Variants in ERC2 observed in about 807,000 individuals in gnomAD.
The protein encoded by ERC2 is ERC protein 2.
ERC2 carries 42 observed loss-of-function variants against 114.8 expected under a neutral mutation model. The observed-to-expected ratio is 0.37, with a 90% CI of 0.29 to 0.47. The LOEUF is 0.47. Ranked by LOEUF, ERC2 falls within the 20% of genes least tolerant of loss-of-function variation. The pLI is 0.99. For missense variants in ERC2, 939 were observed against 1,150.7 expected (o/e 0.82, Z 2.66); for synonymous variants, 454 against 425.5 (o/e 1.07, Z -0.82).
At chr3:55,796,935 T>G (rs924853700) in intron 14 of ERC2, among the ~76,000 whole-genome samples, 7 of 152,222 alleles carry the variant, frequency 4.6e-5, no homozygotes, top group African/African-American at 1.7e-4. Context: ...AGGCCATTTT[T>G]TTTCCCACAT....
chr3:56,453,304 T>C (rs762838753), intron 1 of ERC2, among the ~76,000 whole-genome samples: 4 of 152,194 alleles, frequency 2.6e-5, no homozygotes, highest in Admixed American at 6.5e-5. Flanking sequence ...TTTTCTTCTC[T>C]ACCATGAAGA....
chr3:55,554,288 T>C (rs2055438721), intron 17 of ERC2, among the ~76,000 whole-genome samples: 1 of 152,206 alleles, frequency 6.6e-6, no homozygotes, highest in African/African-American at 2.4e-5. Context: ...CATAAACTTC[T>C]TTGTTTATGA....
At chr3:56,405,732 A>T (rs2060693017) in intron 2 of ERC2, among the ~76,000 whole-genome samples, 1 of 152,176 alleles carries the variant, frequency 6.6e-6, no homozygotes, top group Non-Finnish European at 1.5e-5. Flanking sequence ...ATCTCATAAT[A>T]TGATAATACA....
chr3:55,646,877 C>T (rs907222466), intron 17 of ERC2, among the ~76,000 whole-genome samples: 4 of 152,118 alleles, frequency 2.6e-5, no homozygotes, highest in Non-Finnish European at 5.9e-5. Context: ...AAGGTCACAA[C>T]GGTAATAAGT....
intron 6 of ERC2, among the ~76,000 whole-genome samples, chr3:56,128,620 G>A (rs2149881073): frequency 6.6e-6 from 1 of 152,306 alleles, no homozygotes; most frequent in Admixed American, 6.5e-5. Context: ...AGGTTGAAAA[G>A]TTGACAAATC....
At chr3:56,435,821 A>G (rs564601139) in intron 1 of ERC2, among the ~76,000 whole-genome samples, 1 of 152,354 alleles carries the variant, frequency 6.6e-6, no homozygotes. Flanking sequence ...ATGCCTAAAC[A>G]CATAGCCAGA....
intron 3 of ERC2, among the ~76,000 whole-genome samples, chr3:56,199,961 T>C (rs2048317531): frequency 6.6e-6 from 1 of 152,076 alleles, no homozygotes; most frequent in South Asian, 2.1e-4. Context: ...TCAAATGGCT[T>C]TGAAATATAA....
intron 2 of ERC2, among the ~76,000 whole-genome samples, chr3:56,308,505 C>A (rs2056361506): frequency 6.6e-6 from 1 of 152,088 alleles, no homozygotes; most frequent in African/African-American, 2.4e-5. Context: ...AGAAAGGTAA[C>A]TAGAATGAAA....
chr3:56,284,369 G>A (rs548209307), intron 3 of ERC2, among the ~76,000 whole-genome samples: 1 of 152,222 alleles, frequency 6.6e-6, no homozygotes, highest in Non-Finnish European at 1.5e-5. Context: ...GTGGGACTCT[G>A]CCTGAGGCAA....
At chr3:56,198,698 T>C (rs1278616269) in intron 3 of ERC2, among the ~76,000 whole-genome samples, 2 of 152,218 alleles carry the variant, frequency 1.3e-5, no homozygotes, top group African/African-American at 4.8e-5. Context: ...TTCTTAGGCC[T>C]CTGACGTTCA....
In ERC2 at chr3:55,997,934, T is replaced by TG. The variant is rs1407923195; in HGVS notation, c.2062-5685_2062-5684insC. Reference sequence around the variant, plus strand: ...TGTGTGTGTGTGTGTTTTTTGTTTTTTTTTTTTTTTTGGTAGAGATGGGGT... The same window carrying TG: ...TGTGTGTGTGTGTGTTTTTTGTTTTTGTTTTTTTTTTTGGTAGAGATGGGGT... On this transcript the variant is annotated intron_variant, in intron 10 of 17. Coordinates refer to ENST00000288221, the MANE Select transcript of ERC2 (RefSeq NM_015576.3). Among the ~76,000 whole-genome samples, 5 of 141,784 alleles carry TG rather than the reference T, an allele frequency of 3.5e-5. 1 individual carries two copies. Among genetic ancestry groups the TG allele is most frequent in the South Asian group, 2.2e-4 (1 of 4,506 alleles). The allele number at this position is 141,784 out of a possible 152,430, so 93.0% of individuals were successfully genotyped here.
intron 3 of ERC2, among the ~76,000 whole-genome samples, chr3:56,201,276 C>T (rs2048389459): frequency 6.6e-6 from 1 of 152,186 alleles, no homozygotes; most frequent in East Asian, 1.9e-4. Flanking sequence ...TCCTCTGTAT[C>T]CCTTCTGTGT....
Position 55,992,143 on chromosome 3 carries a change from T to A in ERC2, c.2169A>T (p.Gln723His). The A allele has an allele frequency of 6.2e-7, 1 of 1,613,996 alleles. No homozygotes were observed. ...SYYRDECGKA[Q>H]AEVDRLLEIL... Reference sequence around the variant, plus strand: ...TCTCCAGCAACCGGTCCACTTCCGCTTGGGCCTTGCCACACTCGTCGCGGT... The same window carrying A: ...TCTCCAGCAACCGGTCCACTTCCGCATGGGCCTTGCCACACTCGTCGCGGT... Residue 723 changes from glutamine (Q) to histidine (H), a missense_variant, in exon 11 of 18, where the codon CAA (glutamine) becomes CAT (histidine). By Grantham distance (24) the Gln-to-His change is conservative (BLOSUM62 0). This residue lies in a region of ERC2 where 328 missense variants were observed against 353.9 expected (regional missense o/e 0.93). Transcript: ENST00000288221.
At chr3:55,664,725 AG>A (rs1177809985) in intron 17 of ERC2, among the ~76,000 whole-genome samples, 8 of 152,324 alleles carry the variant, frequency 5.3e-5, no homozygotes, top group Middle Eastern at 3.4e-3. Flanking sequence ...CCAGAGCTTC[AG>A]GCGAGGTTGT....
intron 12 of ERC2, among the ~76,000 whole-genome samples, chr3:55,972,684 C>T (rs2069258287): frequency 6.6e-6 from 1 of 152,130 alleles, no homozygotes; most frequent in Non-Finnish European, 1.5e-5. Flanking sequence ...CATTGATGGG[C>T]ATTTGGGTTG....
At chr3:55,553,128 G>A (rs1175768001) in intron 17 of ERC2, among the ~76,000 whole-genome samples, 2 of 140,620 alleles carry the variant, frequency 1.4e-5, no homozygotes, top group South Asian at 4.6e-4. Flanking sequence ...TTCAAGTGAT[G>A]CTCCTGCCTC....
At chr3:56,065,735 T>C (rs964174219) in intron 7 of ERC2, among the ~76,000 whole-genome samples, 3 of 152,086 alleles carry the variant, frequency 2.0e-5, no homozygotes, top group Non-Finnish European at 4.4e-5. Flanking sequence ...GTGTGTGTTG[T>C]TCCTCTCCCT....
chr3:55,765,522 T>C (rs1467048592), intron 14 of ERC2, among the ~76,000 whole-genome samples: 1 of 152,190 alleles, frequency 6.6e-6, no homozygotes, highest in African/African-American at 2.4e-5. Flanking sequence ...TGTGCAACTA[T>C]TGTTATGGCT....
chr3:56,153,718 G>T (rs1388632174), intron 4 of ERC2, among the ~76,000 whole-genome samples: 3 of 152,116 alleles, frequency 2.0e-5, no homozygotes, highest in African/African-American at 7.2e-5. Flanking sequence ...ATACTGAAAT[G>T]GTGAGTGGGT....
Sources: allele counts gnomAD v4.1 joint callset (sites outside exome capture counted in the v4.1 genomes callset), GRCh38; gene constraint gnomAD v4.1.1; regional missense constraint gnomAD v4.1.1; transcripts MANE v1.5; gene names NCBI Gene and HGNC (gene_info 2026-07-23, HGNC 2026-07-21).